BACH2: variants seen among roughly 807,000 people sequenced by gnomAD.
BACH2 encodes the protein BACH transcriptional regulator 2, also known as transcription regulator protein BACH2.
In BACH2, 5 loss-of-function variants were observed where a neutral mutation model predicts 61.8. That is an observed-to-expected ratio of 0.08 (90% confidence interval 0.04 to 0.17). The LOEUF is 0.17. Among genes scored for constraint, BACH2 ranks in the 10% least tolerant of loss-of-function variants. The probability of loss-of-function intolerance (pLI) is 1.00; values close to 1 mark genes in which losing one functional copy is unlikely to be tolerated. For missense variants in BACH2, 824 were observed against 1,091.1 expected (o/e 0.76, Z 3.45); for synonymous variants, 446 against 440.1 (o/e 1.01, Z -0.17).
intron 5 of BACH2, among the ~76,000 whole-genome samples, chr6:90,065,098 C>G (rs887958495): frequency 2.1e-5 from 3 of 146,062 alleles, no homozygotes; most frequent in Non-Finnish European, 1.5e-5. Context: ...AAAGGCATAA[C>G]AGAAAACGTA....
chr6:90,077,117 T>C (rs2127803442), intron 5 of BACH2, among the ~76,000 whole-genome samples: 1 of 152,280 alleles, frequency 6.6e-6, no homozygotes, highest in East Asian at 1.9e-4. Context: ...AAGTTAAAAC[T>C]GGCAGTTTTG....
At chr6:90,091,475 C>T (rs1782156647) in intron 4 of BACH2, among the ~76,000 whole-genome samples, 1 of 152,094 alleles carries the variant, frequency 6.6e-6, no homozygotes, top group Admixed American at 6.6e-5. Flanking sequence ...ATTAGGAATG[C>T]TAAAGCAGGT....
At chr6:90,196,867 C>T (rs1440775031) in intron 4 of BACH2, among the ~76,000 whole-genome samples, 1 of 150,778 alleles carries the variant, frequency 6.6e-6, no homozygotes, top group Admixed American at 6.6e-5. Context: ...AAAAGAAAAC[C>T]AAATAAACCA....
chr6:89,981,624 G>A (rs1170380198), intron 6 of BACH2, among the ~76,000 whole-genome samples: 3 of 152,146 alleles, frequency 2.0e-5, no homozygotes, highest in Non-Finnish European at 4.4e-5. Context: ...AAAAAGATCA[G>A]AAAAGAGGTC....
intron 5 of BACH2, among the ~76,000 whole-genome samples, chr6:90,068,270 A>G (rs1348853938): frequency 6.6e-6 from 1 of 152,232 alleles, no homozygotes; most frequent in Admixed American, 6.5e-5. Flanking sequence ...TATTCACTCA[A>G]GCAACCATTT....
At chr6:90,128,038 C>G (rs1783930290) in intron 4 of BACH2, among the ~76,000 whole-genome samples, 1 of 152,138 alleles carries the variant, frequency 6.6e-6, no homozygotes, top group African/African-American at 2.4e-5. Flanking sequence ...TTATGCCCCC[C>G]CATCTCCATT....
At chr6:89,938,119 G>A in intron 8 of BACH2, 25 bp downstream of exon 8, 1 of 1,601,524 alleles carries the variant, frequency 6.2e-7, no homozygotes, top group Non-Finnish European at 8.6e-7. Context: ...TCAGGTTGCT[G>A]ATCACAATGG....
At chr6:90,140,066 T>C (rs58394086) in intron 4 of BACH2, among the ~76,000 whole-genome samples, 4,820 of 152,264 alleles carry the variant, frequency 0.032, 244 homozygotes, top group African/African-American at 0.11. Context: ...CCTCCTCCTC[T>C]TCCAAGTCTA....
chr6:90,120,610 A>T (rs750210454), intron 4 of BACH2, among the ~76,000 whole-genome samples: 5 of 152,238 alleles, frequency 3.3e-5, no homozygotes, highest in Non-Finnish European at 5.9e-5. Flanking sequence ...AGAACCGTTC[A>T]AATCATCTGA....
At chr6:90,147,921 C>A (rs1784679620) in intron 4 of BACH2, among the ~76,000 whole-genome samples, 1 of 151,744 alleles carries the variant, frequency 6.6e-6, no homozygotes, top group South Asian at 2.1e-4. Context: ...AACCTACATG[C>A]CAAATTAAAA....
chr6:90,126,161 G>T (rs1783842178), intron 4 of BACH2, among the ~76,000 whole-genome samples: 1 of 152,172 alleles, frequency 6.6e-6, no homozygotes, highest in Admixed American at 6.5e-5. Context: ...GAAGGAATTT[G>T]AGGACAAAAG....
At chr6:90,295,006 T>A (rs567518975) in intron 1 of BACH2, among the ~76,000 whole-genome samples, 2 of 152,342 alleles carry the variant, frequency 1.3e-5, no homozygotes, top group South Asian at 2.1e-4. Context: ...TTTAGTTAAA[T>A]ACACTCAACA....
At chr6:90,216,101 C>A (rs1056186448) in intron 3 of BACH2, among the ~76,000 whole-genome samples, 1 of 152,202 alleles carries the variant, frequency 6.6e-6, no homozygotes, top group African/African-American at 2.4e-5. Flanking sequence ...GGAGTCACTG[C>A]GTTCTCCGAC....
At chr6:89,939,412 A>G (rs1773257394) in intron 7 of BACH2, among the ~76,000 whole-genome samples, 1 of 152,188 alleles carries the variant, frequency 6.6e-6, no homozygotes, top group East Asian at 1.9e-4. Context: ...TCACATTCAC[A>G]TTTCTCATAG....
chr6:90,060,008 G>A (rs1780597926), intron 5 of BACH2, among the ~76,000 whole-genome samples: 1 of 149,692 alleles, frequency 6.7e-6, no homozygotes, highest in Admixed American at 6.6e-5. Context: ...ATAGCATTAG[G>A]AGATATACCT....
At chr6:89,937,935 G>A (rs796415455) in intron 8 of BACH2, among the ~76,000 whole-genome samples, 50 of 152,076 alleles carry the variant, frequency 3.3e-4, no homozygotes, top group South Asian at 3.1e-3. Flanking sequence ...ACACACCTGC[G>A]CGCATGCATG....
chr6:89,980,693 G>C (rs890469394), intron 6 of BACH2, among the ~76,000 whole-genome samples: 6 of 152,200 alleles, frequency 3.9e-5, no homozygotes, highest in African/African-American at 1.4e-4. Flanking sequence ...CCTAACAGTG[G>C]ATCTGCAGAA....
chr6:90,284,277 A>T (rs1324571519), intron 1 of BACH2, among the ~76,000 whole-genome samples: 3 of 152,158 alleles, frequency 2.0e-5, no homozygotes, highest in African/African-American at 7.2e-5. Flanking sequence ...CAAAAAGATG[A>T]ACGTACACCT....
At chr6:90,205,534 C>G (rs1769114450) in intron 4 of BACH2, among the ~76,000 whole-genome samples, 1 of 152,164 alleles carries the variant, frequency 6.6e-6, no homozygotes, top group African/African-American at 2.4e-5. Flanking sequence ...TCCTAAAATT[C>G]AGAAGACAGT....
Sources: allele counts gnomAD v4.1 joint callset (sites outside exome capture counted in the v4.1 genomes callset), GRCh38; gene constraint gnomAD v4.1.1; transcripts MANE v1.5; gene names NCBI Gene and HGNC (gene_info 2026-07-23, HGNC 2026-07-21).